The following EIPR1 variants were observed in gnomAD, a reference collection of about 807,000 sequenced individuals.
EIPR1 encodes EARP complex and GARP complex interacting protein 1, also known as EARP and GARP complex-interacting protein 1.
Under a neutral mutation model 48.1 loss-of-function variants are expected in EIPR1, and 25 were observed. The observed-to-expected ratio is 0.52, with a 90% CI of 0.38 to 0.73. EIPR1 has a LOEUF of 0.73. EIPR1 is among the 30% of genes least tolerant of loss of function. The pLI is 0.00. For synonymous variants in EIPR1, 204 were observed against 201.9 expected (o/e 1.01, Z -0.09); for missense variants, 415 against 506.2 (o/e 0.82, Z 1.73).
intron 3 of EIPR1, among the ~76,000 whole-genome samples, chr2:3,323,078 T>G (rs932389029): frequency 2.0e-5 from 3 of 150,890 alleles, no homozygotes; most frequent in African/African-American, 7.4e-5. Context: ...TAAGCTAATC[T>G]TATATTACAG....
intron 3 of EIPR1, among the ~76,000 whole-genome samples, chr2:3,334,947 A>T (rs1279027824): frequency 6.6e-6 from 1 of 152,200 alleles, no homozygotes; most frequent in African/African-American, 2.4e-5. Flanking sequence ...ACACCTGTGG[A>T]CGACCAACAA....
intron 3 of EIPR1, among the ~76,000 whole-genome samples, chr2:3,311,299 T>C (rs1669120887): frequency 6.6e-6 from 1 of 152,204 alleles, no homozygotes; most frequent in African/African-American, 2.4e-5. Flanking sequence ...CCTAGAAATA[T>C]GTGATTTTCA....
intron 3 of EIPR1, among the ~76,000 whole-genome samples, chr2:3,279,861 A>G (rs1046535672): frequency 1.3e-5 from 2 of 152,030 alleles, no homozygotes; most frequent in Non-Finnish European, 2.9e-5. Flanking sequence ...GGAATCAAAC[A>G]CCTCTCACTT....
intron 5 of EIPR1, chr2:3,208,485 G>C: frequency 6.6e-7 from 1 of 1,517,518 alleles, no homozygotes; most frequent in Non-Finnish European, 8.9e-7. Context: ...AGTTGGGAGG[G>C]GGCCCAATTA....
rs545283009 is a variant in EIPR1 at position 3,285,909 on chromosome 2, A to T, written c.260-28454T>A. ...AACTGTCTCCGGGACCCTCGCATGG[A>T]GCAGAAGTCACCGACTGTCGCCGGG... is the stretch of plus-strand genomic sequence containing the variant. On this transcript the variant is annotated intron_variant, in intron 3 of 8. Coordinates refer to ENST00000382125, the MANE Select transcript of EIPR1 (RefSeq NM_003310.5). Among the ~76,000 whole-genome samples the T allele has an allele frequency of 6.3e-4, 94 of 148,348 alleles. 1 individual carries two copies. In the Middle Eastern group the frequency reaches 0.011, roughly 17 times the overall value.
At chr2:3,205,462 A>G (rs1372394489) in intron 5 of EIPR1, among the ~76,000 whole-genome samples, 4 of 152,082 alleles carry the variant, frequency 2.6e-5, no homozygotes, top group Admixed American at 1.3e-4. Context: ...AAGCAGTCAC[A>G]TGTGGATATG....
chr2:3,244,839 C>T (rs1249671029), intron 4 of EIPR1, among the ~76,000 whole-genome samples: 3 of 152,174 alleles, frequency 2.0e-5, no homozygotes, highest in Non-Finnish European at 2.9e-5. Context: ...CTGGACACAC[C>T]GATCTGCCTC....
At chr2:3,279,780 A>G (rs1667963671) in intron 3 of EIPR1, among the ~76,000 whole-genome samples, 1 of 152,230 alleles carries the variant, frequency 6.6e-6, no homozygotes. Context: ...AGGTGAACCA[A>G]CACCATGATG....
chr2:3,194,028 G>T lies in EIPR1; in HGVS notation c.792C>A (p.Pro264=). The part of the protein sequence containing the change: ...KFWDTRNVTE[P]VKTLEEHSHW... ...GGGAGTGCTCCTCCAGGGTCTTCAC[G>T]GGTTCGGTGACATTTCGGGTGTCCC... The change falls in exon 7 of 9, where the codon CCC becomes CCA. Residue 264 remains proline (P), a synonymous_variant. Transcript: ENST00000382125. 1 of 1,613,810 alleles carries T rather than the reference G, an allele frequency of 6.2e-7. No homozygotes were observed. The highest frequency in any genetic ancestry group is 8.5e-7 in the Non-Finnish European group (1 of 1,180,000).
At chr2:3,319,070 G>T in intron 3 of EIPR1, 1 of 417,384 alleles carries the variant, frequency 2.4e-6, no homozygotes, top group South Asian at 1.8e-5. Context: ...AAGTGTTTAA[G>T]ATATTTAATC....
chr2:3,352,352 C>T (rs1224909498), intron 2 of EIPR1, among the ~76,000 whole-genome samples: 1 of 151,512 alleles, frequency 6.6e-6, no homozygotes, highest in Admixed American at 6.6e-5. Context: ...CAGAAGCTAC[C>T]TGCCCCTGAG....
chr2:3,301,949 A>C (rs1256095596), intron 3 of EIPR1, among the ~76,000 whole-genome samples: 1 of 152,200 alleles, frequency 6.6e-6, no homozygotes, highest in Admixed American at 6.5e-5. Flanking sequence ...GGAGCAGCGC[A>C]TCAGTTAGGA....
chr2:3,213,110 A>G (rs1005976399), intron 5 of EIPR1, among the ~76,000 whole-genome samples: 3 of 152,230 alleles, frequency 2.0e-5, no homozygotes, highest in African/African-American at 7.2e-5. Flanking sequence ...TGGTAGGAAC[A>G]AATAAATATA....
At chr2:3,225,328 C>T (rs949259221) in intron 4 of EIPR1, among the ~76,000 whole-genome samples, 8 of 151,174 alleles carry the variant, frequency 5.3e-5, no homozygotes, top group Admixed American at 1.3e-4. Context: ...TCACTGCAGC[C>T]TTGACCTCCT....
chr2:3,265,512 G>A (rs1228401422), intron 3 of EIPR1, among the ~76,000 whole-genome samples: 1 of 152,172 alleles, frequency 6.6e-6, no homozygotes, highest in Non-Finnish European at 1.5e-5. Flanking sequence ...TCTTTAGAAG[G>A]CAAATGCTGT....
intron 5 of EIPR1, among the ~76,000 whole-genome samples, chr2:3,199,114 A>G (rs1664922731): frequency 7.6e-6 from 1 of 132,180 alleles, no homozygotes; most frequent in African/African-American, 2.9e-5. Context: ...AATTATTAAT[A>G]TTCCTTACTG....
At chr2:3,231,807 T>TG (rs1310342034) in intron 4 of EIPR1, among the ~76,000 whole-genome samples, 1 of 152,264 alleles carries the variant, frequency 6.6e-6, no homozygotes, top group Admixed American at 6.5e-5. Flanking sequence ...CTTCTAGTAG[T>TG]GTCTTTGTCA....
intron 5 of EIPR1, chr2:3,208,987 T>C (rs1185841925): frequency 6.8e-7 from 1 of 1,461,916 alleles, no homozygotes; most frequent in Non-Finnish European, 9.1e-7. Flanking sequence ...GCTCTCATAT[T>C]ATCAAGGTCG....
chr2:3,359,996 C>T (rs1013246417), intron 1 of EIPR1, among the ~76,000 whole-genome samples: 2 of 152,172 alleles, frequency 1.3e-5, no homozygotes, highest in African/African-American at 2.4e-5. Context: ...GGCTATGGCT[C>T]TCTCATGGTA....
Sources: allele counts gnomAD v4.1 joint callset (sites outside exome capture counted in the v4.1 genomes callset), GRCh38; gene constraint gnomAD v4.1.1; transcripts MANE v1.5; gene names NCBI Gene and HGNC (gene_info 2026-07-23, HGNC 2026-07-21).